RET: variants seen among roughly 807,000 people sequenced by gnomAD.
RET encodes the protein ret proto-oncogene.
Under a neutral mutation model 118.3 loss-of-function variants are expected in RET, and 19 were observed. The observed-to-expected ratio is 0.16, with a 90% CI of 0.11 to 0.24. The LOEUF (loss-of-function observed/expected upper bound fraction) is 0.24, where lower values mean the gene tolerates loss of function less well. Ranked by LOEUF, RET falls within the 10% of genes least tolerant of loss-of-function variation. The probability of loss-of-function intolerance (pLI) is 1.00; values close to 1 mark genes in which losing one functional copy is unlikely to be tolerated. For synonymous variants in RET, 597 were observed against 644.1 expected (o/e 0.93, Z 1.11); for missense variants, 1,219 against 1,502.1 (o/e 0.81, Z 3.12).
intron 11 of RET, among the ~76,000 whole-genome samples, chr10:43,115,088 G>A (rs1244561915): frequency 6.6e-6 from 1 of 152,192 alleles, no homozygotes; most frequent in Non-Finnish European, 1.5e-5. Flanking sequence ...GCTGTGCCGA[G>A]TATCCTGGAG....
chr10:43,102,873 C>G, intron 3 of RET: 1 of 591,862 alleles, frequency 1.7e-6, no homozygotes, highest in Non-Finnish European at 3.0e-6. Flanking sequence ...GTGGGGCAGA[C>G]AGAGCGTCTG....
At chr10:43,089,385 A>G (rs1014079699) in intron 1 of RET, among the ~76,000 whole-genome samples, 3 of 152,174 alleles carry the variant, frequency 2.0e-5, no homozygotes, top group Non-Finnish European at 4.4e-5. Context: ...CATCCTCCCC[A>G]TGAGCCCAGG....
At chr10:43,122,073 T>C in intron 16 of RET, 57 bp downstream of exon 16, 1 of 1,373,708 alleles carries the variant, frequency 7.3e-7, no homozygotes, top group Non-Finnish European at 1.0e-6. Context: ...CTTATACATG[T>C]AGTGGGGCCA....
chr10:43,099,856 C>G (rs927391800), intron 1 of RET, among the ~76,000 whole-genome samples: 2 of 152,222 alleles, frequency 1.3e-5, no homozygotes, highest in African/African-American at 2.4e-5. Flanking sequence ...ATCCATAGTT[C>G]ATCCTTTTCC....
intron 1 of RET, among the ~76,000 whole-genome samples, chr10:43,092,160 A>C (rs1318003232): frequency 6.6e-6 from 1 of 152,254 alleles, no homozygotes; most frequent in Admixed American, 6.5e-5. Context: ...TGGCTTTAAA[A>C]AGGAAAAAAA....
At position 43,102,643 on chromosome 10, in the gene RET, T is replaced by C. The variant is rs1588864251; in HGVS notation, c.625+14T>C. On this transcript the variant is annotated intron_variant, in intron 3 of 19. Coordinates refer to ENST00000355710, the MANE Select transcript of RET (RefSeq NM_020975.6). ...GGCTCCTGGAGGGTGAGTGCCGACC[T>C]TGTGGGGCCGCCCCACAGTGCCTGC... 6.2e-7 allele frequency: 1 copy of C among 1,613,760 alleles called. No homozygotes were observed. Among genetic ancestry groups the C allele is most frequent in the East Asian group, 2.2e-5 (1 of 44,890 alleles).
In RET at chr10:43,103,987, C is replaced by T. The variant is rs186887961; in HGVS notation, c.626-965C>T. 4.6e-5 allele frequency among the ~76,000 whole-genome samples: 7 copies of T among 152,314 alleles called. No individual in the cohort carries two copies. In the East Asian group the frequency reaches 5.8e-4, roughly 13 times the overall value. On this transcript the variant is annotated intron_variant, in intron 3 of 19. Coordinates refer to ENST00000355710, the MANE Select transcript of RET (RefSeq NM_020975.6). The stretch of plus-strand genomic sequence containing the variant: ...TGGAGGACAAATCCGAGGTCAGGCT[C>T]GTTGAAGACTGTGTTGTGGTTCCTG...
At chr10:43,091,840 AAAAG>A (rs1183388166) in intron 1 of RET, among the ~76,000 whole-genome samples, 2 of 149,466 alleles carry the variant, frequency 1.3e-5, no homozygotes, top group Non-Finnish European at 2.9e-5. Context: ...AAAAAAAAAA[AAAAG>A]AACCAGTGTT....
At chr10:43,104,146 G>A (rs1310348708) in intron 3 of RET, among the ~76,000 whole-genome samples, 2 of 152,180 alleles carry the variant, frequency 1.3e-5, no homozygotes, top group African/African-American at 4.8e-5. Flanking sequence ...GTAGAGTGGG[G>A]ATGCACACTA....
intron 1 of RET, among the ~76,000 whole-genome samples, chr10:43,081,306 T>TTAATAGTACAA (rs1837176799): frequency 6.6e-6 from 1 of 151,662 alleles, no homozygotes; most frequent in African/African-American, 2.4e-5. Flanking sequence ...GCAGAGTGAC[T>TTAATAGTACAA]TAATAGTAAC....
chr10:43,128,655 C>A lies in RET; in HGVS notation c.*386C>A, dbSNP rs1838385041. On this transcript the variant is annotated 3_prime_UTR_variant, in exon 20 of 20. Transcript: ENST00000355710. ...CTGAACTGTTGGATTTTTCTAGTTG[C>A]CGCCAAACAAGGCAAAAAAATTTAA... is the stretch of plus-strand genomic sequence containing the variant. 2.5e-6 allele frequency: 1 copy of A among 393,234 alleles called. No homozygotes were observed. Among genetic ancestry groups the A allele is most frequent in the African/African-American group, 2.0e-5 (1 of 50,290 alleles). 24.4% of individuals were successfully genotyped at this position (393,234 alleles called of 1,614,324 possible). A position where few individuals can be genotyped will look rare whatever the true frequency, so the allele number is the denominator to read the frequency against.
chr10:43,111,754 A>G (rs1396953226), intron 7 of RET, among the ~76,000 whole-genome samples: 2 of 152,206 alleles, frequency 1.3e-5, no homozygotes, highest in African/African-American at 4.8e-5. Context: ...AGGTCCATCC[A>G]TGCCCTCTTA....
intron 1 of RET, 128 bp from the exon 2 acceptor site, chr10:43,100,331 A>G (rs1837608765): frequency 9.3e-7 from 1 of 1,075,512 alleles, no homozygotes. Flanking sequence ...TTGAGTGTTC[A>G]TGTTCTCAGG....
Position 43,106,634 on chromosome 10 carries a change from G to T in RET, c.1063+63G>T. The T allele has an allele frequency of 1.3e-6, 2 of 1,538,448 alleles. No individual in the cohort carries two copies. Among genetic ancestry groups the T allele is most frequent in the East Asian group, 2.4e-5 (1 of 42,406 alleles). On this transcript the variant is annotated intron_variant, in intron 5 of 19. Transcript: ENST00000355710. This position sits in a 1 kb window ranked among gnomAD's most constrained non-coding sequence, Gnocchi z 5.1. ...AGGAAATGAGGTGCTCGCTCTTCAT[G>T]GGCAAGCAGCACCCTACACACATGC... is the stretch of plus-strand genomic sequence containing the variant.
intron 16 of RET, among the ~76,000 whole-genome samples, chr10:43,122,902 G>A (rs143549111): frequency 5.3e-5 from 8 of 152,180 alleles, no homozygotes; most frequent in South Asian, 2.1e-4. Context: ...GAGCCACCAC[G>A]CCTGGCCAAC....
intron 6 of RET, among the ~76,000 whole-genome samples, 198 bp downstream of exon 6, chr10:43,109,428 C>T (rs530396454): frequency 6.6e-6 from 1 of 152,204 alleles, no homozygotes; most frequent in African/African-American, 2.4e-5. Flanking sequence ...GCTGGGGGCT[C>T]CTTGGGCCTC....
At position 43,128,356 on chromosome 10, in the gene RET, A is replaced by G. The variant is rs1180575612; in HGVS notation, c.*87A>G. Reference sequence around the variant, plus strand: ...TACCGGCCCTTTCTTTGTGAACGTCACATTGGCCGAGCCGTGTTCAGTTCC... The same window carrying G: ...TACCGGCCCTTTCTTTGTGAACGTCGCATTGGCCGAGCCGTGTTCAGTTCC... On this transcript the variant is annotated 3_prime_UTR_variant, in exon 20 of 20. Coordinates refer to ENST00000355710, the MANE Select transcript of RET (RefSeq NM_020975.6). 1.5e-5 allele frequency: 22 copies of G among 1,503,930 alleles called. No individual in the cohort carries two copies. The highest frequency in any genetic ancestry group is 8.3e-6 in the Non-Finnish European group (9 of 1,083,388). 93.2% of individuals were successfully genotyped at this position (1,503,930 alleles called of 1,614,324 possible). A position where few individuals can be genotyped will look rare whatever the true frequency, so the allele number is the denominator to read the frequency against.
chr10:43,100,439 C>G lies in RET; in HGVS notation c.74-20C>G. ...AGCCTTATTCTCACCATCCCTCACT[C>G]ACTTCCCTACTTCCCACAGTGGCAT... On this transcript the variant is annotated intron_variant, in intron 1 of 19. Transcript: ENST00000355710. 2 of 1,611,846 alleles carry G rather than the reference C, an allele frequency of 1.2e-6. No homozygotes were observed. Among genetic ancestry groups the G allele is most frequent in the Non-Finnish European group, 1.7e-6 (2 of 1,179,552 alleles).
intron 1 of RET, among the ~76,000 whole-genome samples, chr10:43,098,614 G>C (rs1273986113): frequency 6.6e-6 from 1 of 152,102 alleles, no homozygotes; most frequent in Non-Finnish European, 1.5e-5. Flanking sequence ...TAGAGACGGG[G>C]TTTCACCATG....
Sources: gnomAD v4.1 joint callset for allele counts (sites outside exome capture counted in the v4.1 genomes callset) on GRCh38, gnomAD v4.1.1 for gene constraint, Gnocchi (gnomAD v3.1) non-coding constraint, MANE v1.5 for transcripts, NCBI Gene and HGNC (gene_info 2026-07-23, HGNC 2026-07-21) for gene names.